Variants in IKZF1 observed in about 807,000 individuals in gnomAD.
The protein encoded by IKZF1 is IKAROS family zinc finger 1, also known as DNA-binding protein Ikaros.
IKZF1 carries 10 observed loss-of-function variants against 51.7 expected under a neutral mutation model. That is an observed-to-expected ratio of 0.19 (90% CI 0.12 to 0.33). IKZF1 has a LOEUF of 0.33. IKZF1 is among the 10% of genes least tolerant of loss of function. The probability of loss-of-function intolerance (pLI) is 1.00; values close to 1 mark genes in which losing one functional copy is unlikely to be tolerated. For synonymous variants in IKZF1, 280 were observed against 282.3 expected (o/e 0.99, Z 0.08); for missense variants, 484 against 707.5 (o/e 0.68, Z 3.58).
intron 3 of IKZF1, among the ~76,000 whole-genome samples, chr7:50,364,574 T>A (rs1806265476): frequency 1.3e-5 from 2 of 152,228 alleles, no homozygotes; most frequent in African/African-American, 4.8e-5. Context: ...AGTGACTGCT[T>A]CTTATGACAA....
chr7:50,404,685 G>C lies in IKZF1; in HGVS notation c.*4058G>C. ...ATTCTAAGTCCCAGTCTTGAGGGTG[G>C]GTGGAGATGGAGGGCAACAAGAGAT... On this transcript the variant is annotated 3_prime_UTR_variant, in exon 8 of 8. Coordinates refer to ENST00000331340, the MANE Select transcript of IKZF1 (RefSeq NM_006060.6). The C allele has an allele frequency of 4.3e-6, 1 of 231,470 alleles. No homozygotes were observed. The highest frequency in any genetic ancestry group is 6.1e-5 in the East Asian group (1 of 16,474). The allele number at this position is 231,470 out of a possible 1,614,324, so 14.3% of individuals were successfully genotyped here.
intron 1 of IKZF1, among the ~76,000 whole-genome samples, chr7:50,306,454 T>C (rs1201648243): frequency 6.6e-6 from 1 of 152,190 alleles, no homozygotes; most frequent in Admixed American, 6.5e-5. Flanking sequence ...CTTGTTTAAT[T>C]CATCAGTGTT....
chr7:50,332,271 G>A (rs968424968), intron 3 of IKZF1, among the ~76,000 whole-genome samples: 6 of 152,192 alleles, frequency 3.9e-5, no homozygotes, highest in Non-Finnish European at 5.9e-5. Flanking sequence ...TTTTCTTCCC[G>A]TATTCAGTAA....
chr7:50,311,196 C>T (rs1014419159), intron 1 of IKZF1, among the ~76,000 whole-genome samples: 1 of 152,184 alleles, frequency 6.6e-6, no homozygotes, highest in Non-Finnish European at 1.5e-5. Context: ...ATGTCTGCAC[C>T]TTTTCATCCT....
intron 3 of IKZF1, among the ~76,000 whole-genome samples, chr7:50,360,064 G>C (rs1266346588): frequency 6.6e-6 from 1 of 152,080 alleles, no homozygotes; most frequent in Non-Finnish European, 1.5e-5. Context: ...GGGATTAAGA[G>C]GGCAACTGAG....
At chr7:50,380,618 T>A (rs1271395842) in intron 4 of IKZF1, among the ~76,000 whole-genome samples, 1 of 152,262 alleles carries the variant, frequency 6.6e-6, no homozygotes, top group Non-Finnish European at 1.5e-5. Flanking sequence ...TTTTGTGACA[T>A]GAGCTTTCTC....
At chr7:50,384,011 A>G (rs1373255051) in intron 5 of IKZF1, among the ~76,000 whole-genome samples, 1 of 152,264 alleles carries the variant, frequency 6.6e-6, no homozygotes, top group Non-Finnish European at 1.5e-5. Flanking sequence ...AATGTGTTAC[A>G]GGAGGCATGA....
intron 1 of IKZF1, among the ~76,000 whole-genome samples, chr7:50,305,228 T>G (rs895245043): frequency 6.6e-6 from 1 of 152,210 alleles, no homozygotes; most frequent in African/African-American, 2.4e-5. Context: ...CCCACGGAAG[T>G]CAGCCTTTAT....
rs1048622049 is a variant in IKZF1, at chr7:50,327,946, C to T, written c.160+189C>T. ...GTGTGGGAGGATGGACACTCACAGG[C>T]CAGCATGGCCGTGAGAGCCACACAC... On this transcript the variant is annotated intron_variant, in intron 3 of 7. Transcript: ENST00000331340. 7.6e-6 allele frequency: 5 copies of T among 654,922 alleles called. No individual in the cohort carries two copies. The African/African-American group carries it at 9.2e-5, about 12-fold the overall frequency. The allele number at this position is 654,922 out of a possible 1,614,324, so 40.6% of individuals were successfully genotyped here. A position where few individuals can be genotyped will look rare whatever the true frequency, so the allele number is the denominator to read the frequency against.
intron 2 of IKZF1, among the ~76,000 whole-genome samples, chr7:50,324,949 G>A (rs928722457): frequency 3.9e-5 from 6 of 152,188 alleles, no homozygotes; most frequent in African/African-American, 4.8e-5. Flanking sequence ...AAAAGCTATA[G>A]GAGGAAAAGA....
At chr7:50,383,969 A>G (rs1303513412) in intron 5 of IKZF1, among the ~76,000 whole-genome samples, 1 of 152,270 alleles carries the variant, frequency 6.6e-6, no homozygotes, top group Non-Finnish European at 1.5e-5. Flanking sequence ...CATTCTGCAC[A>G]GAAGACCTCA....
rs537318667 is a variant in IKZF1 at position 50,318,686 on chromosome 7, T to C, written c.-14-362T>C. ...CAGTAAATTAGAAAGAACATAACTATGGATCAGCCAAGAGAATGAATTCTG... is the reference window on the plus strand; with the variant it reads ...CAGTAAATTAGAAAGAACATAACTACGGATCAGCCAAGAGAATGAATTCTG... On this transcript the variant is annotated intron_variant, in intron 1 of 7. Coordinates refer to ENST00000331340, the MANE Select transcript of IKZF1 (RefSeq NM_006060.6). 7 of 239,070 alleles carry C rather than the reference T, an allele frequency of 2.9e-5. No homozygotes were observed. The South Asian group carries it at 9.1e-4, about 31-fold the overall frequency. 14.8% of individuals were successfully genotyped at this position (239,070 alleles called of 1,614,324 possible). A position where few individuals can be genotyped will look rare whatever the true frequency, so the allele number is the denominator to read the frequency against.
intron 3 of IKZF1, among the ~76,000 whole-genome samples, chr7:50,333,870 G>A (rs1279516153): frequency 1.3e-5 from 2 of 152,040 alleles, no homozygotes; most frequent in Non-Finnish European, 1.5e-5. Context: ...GGAATGCCTC[G>A]TGAAGACAGC....
chr7:50,372,943 G>T (rs1409309643), intron 3 of IKZF1, among the ~76,000 whole-genome samples: 1 of 152,236 alleles, frequency 6.6e-6, no homozygotes, highest in African/African-American at 2.4e-5. Flanking sequence ...AGAGCCCAGG[G>T]TGGGCCTGAG....
chr7:50,379,114 T>TG (rs1056012606), intron 4 of IKZF1, among the ~76,000 whole-genome samples: 2 of 152,178 alleles, frequency 1.3e-5, no homozygotes. Context: ...GCTTCAGACC[T>TG]GGGGGGAGGC....
intron 1 of IKZF1, among the ~76,000 whole-genome samples, chr7:50,316,520 G>A (rs1032013005): frequency 8.5e-5 from 13 of 152,222 alleles, no homozygotes; most frequent in Non-Finnish European, 1.3e-4. Context: ...CAATAGACGC[G>A]CTCCAGGAAG....
intron 3 of IKZF1, among the ~76,000 whole-genome samples, chr7:50,364,983 G>A (rs1302605451): frequency 6.6e-6 from 1 of 152,194 alleles, no homozygotes; most frequent in East Asian, 1.9e-4. Flanking sequence ...CATGCCTCAC[G>A]TGCAGGTGAG....
At chr7:50,365,384 A>G (rs182699496) in intron 3 of IKZF1, among the ~76,000 whole-genome samples, 74 of 152,356 alleles carry the variant, frequency 4.9e-4, no homozygotes, top group African/African-American at 1.8e-3. Context: ...TTTTTAAACA[A>G]TTTTGTGAAC....
At chr7:50,391,393 G>A (rs979011851) in intron 6 of IKZF1, among the ~76,000 whole-genome samples, 1 of 152,204 alleles carries the variant, frequency 6.6e-6, no homozygotes, top group African/African-American at 2.4e-5. Context: ...AGATTTGGGA[G>A]TATTATGAAA....
Sources: gnomAD v4.1 joint callset for allele counts (sites outside exome capture counted in the v4.1 genomes callset) on GRCh38, gnomAD v4.1.1 for gene constraint, MANE v1.5 for transcripts, NCBI Gene and HGNC (gene_info 2026-07-23, HGNC 2026-07-21) for gene names.